Variants in PCDHA1 observed in about 807,000 individuals in gnomAD.
The protein encoded by PCDHA1 is protocadherin alpha 1, also known as protocadherin alpha-1.
Under a neutral mutation model 61.3 loss-of-function variants are expected in PCDHA1, and 42 were observed. The observed-to-expected ratio is 0.69, with a 90% CI of 0.54 to 0.89. The LOEUF (loss-of-function observed/expected upper bound fraction) is 0.89, where lower values mean the gene tolerates loss of function less well. Ranked by LOEUF, PCDHA1 falls within the 40% of genes least tolerant of loss-of-function variation. The pLI, the probability that PCDHA1 is intolerant of heterozygous loss-of-function variation, is 0.00. For missense variants in PCDHA1, 1,256 were observed against 1,235.3 expected (o/e 1.02, Z -0.25); for synonymous variants, 610 against 553.8 (o/e 1.10, Z -1.43).
At chr5:140,988,366 G>A (rs1384658783) in intron 3 of PCDHA1, among the ~76,000 whole-genome samples, 2 of 152,122 alleles carry the variant, frequency 1.3e-5, no homozygotes, top group Non-Finnish European at 2.9e-5. Flanking sequence ...TTACTTTCTG[G>A]GGTTGTGAAA....
At chr5:140,882,989 G>A (rs567590369) in intron 1 of PCDHA1, 3 of 1,614,130 alleles carry the variant, frequency 1.9e-6, no homozygotes, top group African/African-American at 1.3e-5. Context: ...CAACGCCCCG[G>A]AATTTTACCA....
intron 1 of PCDHA1, among the ~76,000 whole-genome samples, chr5:140,791,189 G>A (rs764194838): frequency 6.6e-6 from 1 of 152,228 alleles, no homozygotes; most frequent in Non-Finnish European, 1.5e-5. Flanking sequence ...ATTCCTCTGA[G>A]AATGCTGGAG....
At chr5:140,794,759 G>C (rs1334373287) in intron 1 of PCDHA1, 2 of 584,410 alleles carry the variant, frequency 3.4e-6, no homozygotes, top group East Asian at 2.9e-5. Context: ...TAAATCTACA[G>C]AATAAACAGT....
rs782468691 is a variant in PCDHA1 at position 140,962,448 on chromosome 5, A to C, written c.2395-16501A>C. Reference sequence around the variant, plus strand: ...TGTTACTTATCCAAAGATGGCTTGAATCTCTTATGGCTTGAATCTCTTTGT... The same window carrying C: ...TGTTACTTATCCAAAGATGGCTTGACTCTCTTATGGCTTGAATCTCTTTGT... On this transcript the variant is annotated intron_variant, in intron 1 of 3. Coordinates refer to ENST00000504120, the MANE Select transcript of PCDHA1 (RefSeq NM_018900.4). Among the ~76,000 whole-genome samples the C allele has an allele frequency of 4.7e-4, 72 of 152,232 alleles. 1 individual carries two copies. The highest frequency in any genetic ancestry group is 6.8e-3 in the Middle Eastern group (2 of 294).
chr5:140,797,075 T>C, intron 1 of PCDHA1: 2 of 1,613,888 alleles, frequency 1.2e-6, no homozygotes, highest in Non-Finnish European at 1.7e-6. Context: ...ATCATCGCCA[T>C]CTGCGCGGTA....
chr5:140,807,608 T>C (rs782498556), intron 1 of PCDHA1: 17 of 1,614,102 alleles, frequency 1.1e-5, no homozygotes, highest in Non-Finnish European at 1.4e-5. Flanking sequence ...AAAGAACCTG[T>C]CCATCGCGGA....
intron 1 of PCDHA1, chr5:140,969,335 A>G (rs782267073): frequency 1.2e-6 from 2 of 1,614,012 alleles, no homozygotes; most frequent in Admixed American, 3.3e-5. Context: ...AAATGAGGTG[A>G]GACAGTGGTC....
In PCDHA1 at chr5:140,823,505, GCGAGCTGGTGC is replaced by G. The variant is rs2150126511; in HGVS notation, c.2394+34826_2394+34836del. ...GTGGGTGGCACCGGCGGCGCAGTGA[GCGAGCTGGTGC>G]CGAGGTCAGTGGGTGCGGGCCACGT... On this transcript the variant is annotated intron_variant, in intron 1 of 3. Coordinates refer to ENST00000504120, the MANE Select transcript of PCDHA1 (RefSeq NM_018900.4). 4.3e-5 allele frequency: 70 copies of G among 1,613,446 alleles called. 2 individuals are homozygous for G. The Middle Eastern group carries it at 1.0e-3, about 23-fold the overall frequency.
At chr5:140,854,178 A>G (rs2043021755) in intron 1 of PCDHA1, 4 of 531,272 alleles carry the variant, frequency 7.5e-6, no homozygotes, top group African/African-American at 2.1e-5. Flanking sequence ...AAAAAAAAAG[A>G]GTAGTTTAAC....
intron 1 of PCDHA1, among the ~76,000 whole-genome samples, chr5:140,913,086 A>G (rs937964424): frequency 6.6e-6 from 1 of 152,142 alleles, no homozygotes; most frequent in Admixed American, 6.6e-5. Flanking sequence ...TGGTATCAGG[A>G]TAATACTGGC....
At chr5:140,849,820 C>A (rs2150451868) in intron 1 of PCDHA1, 1 of 1,598,424 alleles carries the variant, frequency 6.3e-7, no homozygotes, top group South Asian at 1.1e-5. Context: ...GCCAGGGTGT[C>A]TGTGGAGGTG....
chr5:140,980,598 C>G (rs574589264), intron 2 of PCDHA1, among the ~76,000 whole-genome samples: 1 of 152,152 alleles, frequency 6.6e-6, no homozygotes, highest in South Asian at 2.1e-4. Flanking sequence ...CCACTGCACT[C>G]CAGCCTGGCG....
At chr5:140,828,491 C>G in intron 1 of PCDHA1, 2 of 1,614,194 alleles carry the variant, frequency 1.2e-6, no homozygotes, top group Non-Finnish European at 1.7e-6. Context: ...GCCCTTGTTC[C>G]CGGTAGAGGA....
intron 1 of PCDHA1, among the ~76,000 whole-genome samples, chr5:140,946,325 A>G (rs2093929113): frequency 6.6e-6 from 1 of 151,932 alleles, no homozygotes; most frequent in Non-Finnish European, 1.5e-5. Context: ...TGAAAGAGGA[A>G]AGATAACAAG....
At chr5:140,836,375 C>A (rs373878309) in intron 1 of PCDHA1, 4 of 1,613,712 alleles carry the variant, frequency 2.5e-6, no homozygotes, top group South Asian at 1.1e-5. Context: ...CCACAGCCAC[C>A]GTGCTGGTGT....
intron 1 of PCDHA1, chr5:140,829,327 C>T: frequency 6.2e-7 from 1 of 1,614,240 alleles, no homozygotes; most frequent in South Asian, 1.1e-5. Context: ...TGGACAGTGC[C>T]CTGGACCGCG....
At chr5:140,891,624 T>C (rs1489586112) in intron 1 of PCDHA1, among the ~76,000 whole-genome samples, 1 of 152,188 alleles carries the variant, frequency 6.6e-6, no homozygotes, top group African/African-American at 2.4e-5. Context: ...TTTTAACACC[T>C]TTTGCTCTTT....
chr5:140,928,251 C>T (rs267600404), intron 1 of PCDHA1: 5 of 1,614,204 alleles, frequency 3.1e-6, no homozygotes, highest in Non-Finnish European at 3.4e-6. Flanking sequence ...AGGAACTTTT[C>T]GTTGCTGAAA....
intron 1 of PCDHA1, among the ~76,000 whole-genome samples, chr5:140,908,466 C>T (rs2073988233): frequency 6.6e-6 from 1 of 152,134 alleles, no homozygotes. Flanking sequence ...TCAGAAAGCA[C>T]CCAGTTCATG....
Sources: gnomAD v4.1 joint callset for allele counts (sites outside exome capture counted in the v4.1 genomes callset) on GRCh38, gnomAD v4.1.1 for gene constraint, MANE v1.5 for transcripts, NCBI Gene and HGNC (gene_info 2026-07-23, HGNC 2026-07-21) for gene names.